XPO4: variants seen among roughly 807,000 people sequenced by gnomAD.
The protein encoded by XPO4 is exportin-4.
A neutral mutation model predicts 143.0 loss-of-function variants in XPO4; 39 were observed. The ratio of observed to expected loss-of-function variants is 0.27; its 90% CI spans 0.21 to 0.36. The LOEUF (loss-of-function observed/expected upper bound fraction) is 0.36. Among genes scored for constraint, XPO4 ranks in the 10% least tolerant of loss-of-function variants. XPO4 has a pLI of 1.00. For missense variants in XPO4, 907 were observed against 1,348.0 expected (o/e 0.67, Z 5.12); for synonymous variants, 439 against 474.0 (o/e 0.93, Z 0.96).
At chr13:20,883,490 T>C (rs1385940702) in intron 1 of XPO4, among the ~76,000 whole-genome samples, 1 of 152,232 alleles carries the variant, frequency 6.6e-6, no homozygotes, top group African/African-American at 2.4e-5. Flanking sequence ...TAAACTGTAT[T>C]TCTTAGAGCA....
At chr13:20,842,771 TA>T (rs898468523) in intron 6 of XPO4, 123 bp downstream of exon 6, 13 of 894,326 alleles carry the variant, frequency 1.5e-5, no homozygotes, top group East Asian at 5.5e-5. Flanking sequence ...TTCTATTTCT[TA>T]AAAAAAATCT....
intron 1 of XPO4, among the ~76,000 whole-genome samples, chr13:20,869,108 G>A (rs9509411): frequency 0.36 from 54,623 of 151,894 alleles, 11,206 homozygotes; most frequent in Non-Finnish European, 0.47. Context: ...TTGAATCCAA[G>A]TTACTAAAAA....
intron 1 of XPO4, among the ~76,000 whole-genome samples, chr13:20,876,093 C>CATAAAAAAAA (rs2060348627): frequency 1.1e-5 from 1 of 90,740 alleles, no homozygotes. Flanking sequence ...CTACTAAATA[C>CATAAAAAAAA]AAAAAAAAAA....
chr13:20,851,767 TA>T (rs1308748694), intron 4 of XPO4: 29 of 980,932 alleles, frequency 3.0e-5, no homozygotes, highest in Non-Finnish European at 3.5e-5. Context: ...AATTTGACTT[TA>T]AAAAAAACTT....
intron 1 of XPO4, among the ~76,000 whole-genome samples, chr13:20,889,033 G>C (rs529905049): frequency 1.3e-5 from 2 of 151,574 alleles, no homozygotes; most frequent in African/African-American, 4.9e-5. Context: ...GGCTGGTCTC[G>C]AACTCCTGAC....
chr13:20,797,169 G>A lies in XPO4; in HGVS notation c.2323-112C>T, dbSNP rs1595063179. The A allele has an allele frequency of 6.6e-6, 7 of 1,063,960 alleles. No individual in the cohort carries two copies. In the East Asian group the frequency reaches 1.8e-4, roughly 28 times the overall value. The allele number at this position is 1,063,960 out of a possible 1,614,324, so 65.9% of individuals were successfully genotyped here. ...TTTCTAATTGTTGGAGGCAGGACAA[G>A]CACATAACAAAGAATATCTAAACCA... On this transcript the variant is annotated intron_variant, in intron 16 of 22. Coordinates refer to ENST00000255305, the MANE Select transcript of XPO4 (RefSeq NM_022459.5).
intron 6 of XPO4, among the ~76,000 whole-genome samples, chr13:20,832,380 T>C (rs1199419643): frequency 6.6e-6 from 1 of 152,230 alleles, no homozygotes; most frequent in Non-Finnish European, 1.5e-5. Context: ...TATCGTTTTG[T>C]GATTGTGAAT....
intron 7 of XPO4, among the ~76,000 whole-genome samples, chr13:20,823,768 C>T (rs1451874748): frequency 1.3e-5 from 2 of 152,194 alleles, no homozygotes; most frequent in Non-Finnish European, 2.9e-5. Flanking sequence ...TCTCCTGCCT[C>T]AGTCTCCTGA....
intron 1 of XPO4, among the ~76,000 whole-genome samples, chr13:20,873,380 A>G (rs1464855180): frequency 2.0e-5 from 3 of 152,184 alleles, no homozygotes; most frequent in Non-Finnish European, 2.9e-5. Flanking sequence ...AATGGTTTCT[A>G]TTCAAAGAGT....
At chr13:20,824,622 T>C (rs554441908) in intron 7 of XPO4, among the ~76,000 whole-genome samples, 1 of 152,344 alleles carries the variant, frequency 6.6e-6, no homozygotes, top group African/African-American at 2.4e-5. Context: ...TTGCCTTTCT[T>C]CCAATGTCAT....
At chr13:20,863,931 T>A (rs1196603639) in intron 2 of XPO4, among the ~76,000 whole-genome samples, 1 of 152,154 alleles carries the variant, frequency 6.6e-6, no homozygotes, top group Non-Finnish European at 1.5e-5. Context: ...TTACAAGTGT[T>A]CTTGACACAT....
intron 6 of XPO4, among the ~76,000 whole-genome samples, chr13:20,833,975 CA>C (rs1166631310): frequency 6.6e-6 from 1 of 152,094 alleles, no homozygotes; most frequent in Admixed American, 6.6e-5. Flanking sequence ...ACTTTCTTTG[CA>C]CAACAGTGAT....
At chr13:20,871,080 T>G (rs2060292686) in intron 1 of XPO4, among the ~76,000 whole-genome samples, 1 of 152,190 alleles carries the variant, frequency 6.6e-6, no homozygotes, top group Non-Finnish European at 1.5e-5. Flanking sequence ...AGTGCTAGGA[T>G]TATGAGTGTA....
intron 1 of XPO4, among the ~76,000 whole-genome samples, chr13:20,886,480 C>G (rs1694021272): frequency 6.6e-6 from 1 of 151,912 alleles, no homozygotes. Context: ...GTAGTGGTGA[C>G]TCATGCCTGT....
At chr13:20,891,976 C>G (rs937356349) in intron 1 of XPO4, among the ~76,000 whole-genome samples, 1 of 151,930 alleles carries the variant, frequency 6.6e-6, no homozygotes, top group African/African-American at 2.4e-5. Context: ...GGATGTTTCA[C>G]ACTGCTGCCA....
intron 2 of XPO4, chr13:20,866,113 T>C: frequency 2.0e-6 from 2 of 985,308 alleles, no homozygotes; most frequent in Non-Finnish European, 2.4e-6. Flanking sequence ...AACTCACTTG[T>C]TTTTTTAAAG....
At chr13:20,815,518 G>T (rs1221879406) in intron 9 of XPO4, among the ~76,000 whole-genome samples, 3 of 152,076 alleles carry the variant, frequency 2.0e-5, no homozygotes, top group Non-Finnish European at 4.4e-5. Flanking sequence ...CTAATATCAG[G>T]TACTGTAAAA....
chr13:20,892,535 A>C (rs71427904), intron 1 of XPO4, among the ~76,000 whole-genome samples: 8,855 of 152,266 alleles, frequency 0.058, 651 homozygotes, highest in African/African-American at 0.17. Context: ...CTGAGCAACA[A>C]GGTGCCAAGC....
intron 9 of XPO4, among the ~76,000 whole-genome samples, chr13:20,817,047 T>C (rs747524002): frequency 1.3e-5 from 2 of 152,236 alleles, no homozygotes; most frequent in Non-Finnish European, 2.9e-5. Context: ...TATTCTTTTA[T>C]AGCTACAAGA....
Sources: allele counts gnomAD v4.1 joint callset (sites outside exome capture counted in the v4.1 genomes callset), GRCh38; gene constraint gnomAD v4.1.1; transcripts MANE v1.5; gene names NCBI Gene and HGNC (gene_info 2026-07-23, HGNC 2026-07-21).